Variants in HSD17B13 observed in about 807,000 individuals in gnomAD.
HSD17B13 encodes 17-beta-hydroxysteroid dehydrogenase 13.
In HSD17B13, 26 loss-of-function variants were observed where a neutral mutation model predicts 31.1. That is an observed-to-expected ratio of 0.84 (90% confidence interval 0.61 to 1.16). The LOEUF (loss-of-function observed/expected upper bound fraction) is 1.16. HSD17B13 is among the 50% of genes most tolerant of loss of function. The pLI, the probability that HSD17B13 is intolerant of heterozygous loss-of-function variation, is 0.00. For synonymous variants in HSD17B13, 141 were observed against 133.7 expected (o/e 1.05, Z -0.38); for missense variants, 374 against 366.5 (o/e 1.02, Z -0.17).
In HSD17B13 at chr4:87,304,799, C is replaced by CATTCTGTGTTCTTGTTGAT. The variant is rs1734349778; in HGVS notation, c.*400_*418dup. 2.0e-5 allele frequency: 3 copies of CATTCTGTGTTCTTGTTGAT among 153,018 alleles called. No individual in the cohort carries two copies. Among genetic ancestry groups the CATTCTGTGTTCTTGTTGAT allele is most frequent in the Non-Finnish European group, 4.4e-5 (3 of 68,638 alleles). The allele number at this position is 153,018 out of a possible 1,614,324, so 9.5% of individuals were successfully genotyped here. A position where few individuals can be genotyped will look rare whatever the true frequency, so the allele number is the denominator to read the frequency against. ...AAACTTGATCTCTTAGCTGTGCACTCATTCTGTGTTCTTGTTGATATTCTG... is the reference window on the plus strand; with the variant it reads ...AAACTTGATCTCTTAGCTGTGCACTCATTCTGTGTTCTTGTTGATATTCTGTGTTCTTGTTGATATTCTG... On this transcript the variant is annotated 3_prime_UTR_variant, in exon 7 of 7. Transcript: ENST00000328546.
intron 5 of HSD17B13, among the ~76,000 whole-genome samples, chr4:87,311,382 T>G (rs961553806): frequency 6.6e-6 from 1 of 152,218 alleles, no homozygotes; most frequent in Non-Finnish European, 1.5e-5. Flanking sequence ...AATTATTTCT[T>G]GCGAGAAATC....
intron 1 of HSD17B13, 118 bp from the exon 2 acceptor site, chr4:87,318,554 CT>C (rs2110103816): frequency 1.3e-6 from 1 of 760,320 alleles, no homozygotes; most frequent in African/African-American, 1.7e-5. Flanking sequence ...AATCCCAGCA[CT>C]TTGGTTGGCC....
In HSD17B13 at chr4:87,305,123, CA is replaced by C; in HGVS notation, c.*94del. ...GCCAAACCAATGTTTTTAATATTAT[CA>C]GGACTGAAAAAATGTGAAATAAAGC... On this transcript the variant is annotated 3_prime_UTR_variant, in exon 7 of 7. Coordinates refer to ENST00000328546, the MANE Select transcript of HSD17B13 (RefSeq NM_178135.5). 1.4e-6 allele frequency: 1 copy of C among 690,598 alleles called. No individual in the cohort carries two copies. Among genetic ancestry groups the C allele is most frequent in the Non-Finnish European group, 2.2e-6 (1 of 444,654 alleles). The allele number at this position is 690,598 out of a possible 1,614,324, so 42.8% of individuals were successfully genotyped here.
In HSD17B13 at chr4:87,322,876, C is replaced by T. The variant is rs2110106248; in HGVS notation, c.-35G>A. ...CTGTCCTCTTCCTTCTGGTTCAGTC[C>T]TTGTGTAGTCCTAGGGAGGAGGTAC... On this transcript the variant is annotated 5_prime_UTR_variant, in exon 1 of 7. Coordinates refer to ENST00000328546, the MANE Select transcript of HSD17B13 (RefSeq NM_178135.5). 1.9e-6 allele frequency: 3 copies of T among 1,565,258 alleles called. No homozygotes were observed. The highest frequency in any genetic ancestry group is 1.7e-5 in the Admixed American group (1 of 59,110).
intron 6 of HSD17B13, among the ~76,000 whole-genome samples, chr4:87,307,917 C>G (rs1481722923): frequency 6.6e-6 from 1 of 152,034 alleles, no homozygotes; most frequent in Non-Finnish European, 1.5e-5. Flanking sequence ...CAGTTTGTAC[C>G]CTGTTCTCAA....
chr4:87,305,820 T>G (rs111772009), intron 6 of HSD17B13, among the ~76,000 whole-genome samples: 61 of 152,324 alleles, frequency 4.0e-4, no homozygotes, highest in African/African-American at 1.3e-3. Context: ...AGCCCAATTA[T>G]GAATCTGCAT....
intron 1 of HSD17B13, among the ~76,000 whole-genome samples, chr4:87,320,512 G>A (rs933862042): frequency 2.8e-4 from 40 of 144,080 alleles, no homozygotes; most frequent in African/African-American, 9.1e-4. Context: ...TCAGCCTCCC[G>A]AGTAGCTGGG....
intron 5 of HSD17B13, 120 bp from the exon 6 acceptor site, chr4:87,310,479 TC>T: frequency 8.6e-7 from 1 of 1,158,162 alleles, no homozygotes; most frequent in Non-Finnish European, 1.1e-6. Flanking sequence ...TTTAAAATAT[TC>T]CAGGATTTGC....
intron 6 of HSD17B13, among the ~76,000 whole-genome samples, chr4:87,308,993 A>G (rs886611701): frequency 6.6e-6 from 1 of 151,912 alleles, no homozygotes; most frequent in Non-Finnish European, 1.5e-5. Flanking sequence ...CAAGACTGCA[A>G]AATATGAGAT....
At chr4:87,309,238 G>T (rs13143052) in intron 6 of HSD17B13, among the ~76,000 whole-genome samples, 1 of 151,814 alleles carries the variant, frequency 6.6e-6, no homozygotes, top group African/African-American at 2.4e-5. Context: ...CAAAAAGTTA[G>T]TTGGGCGAGG....
rs990417824 is a variant in HSD17B13 at position 87,310,485 on chromosome 4, A to T, written c.696-126T>A. 6.4e-5 allele frequency: 71 copies of T among 1,112,092 alleles called. 1 individual carries two copies. The African/African-American group carries it at 1.1e-3, about 17-fold the overall frequency. The allele number at this position is 1,112,092 out of a possible 1,614,324, so 68.9% of individuals were successfully genotyped here. On this transcript the variant is annotated intron_variant, in intron 5 of 6. Transcript: ENST00000328546. ...GAATGAAGATTTAAAATATTCCAGG[A>T]TTTGCTGCATTAATGCCACCCTACC...
chr4:87,309,384 CAAAAAAAAAAAAAA>C (rs369280214), intron 6 of HSD17B13, among the ~76,000 whole-genome samples: 601 of 50,140 alleles, frequency 0.012, 9 homozygotes, highest in African/African-American at 0.036. Context: ...AACTCTGTCT[CAAAAAAAAAAAAAA>C]AAAAAAAAAA....
chr4:87,322,789 T>C lies in HSD17B13; in HGVS notation c.53A>G (p.Tyr18Cys). 6.2e-7 allele frequency: 1 copy of C among 1,614,106 alleles called. No individual in the cohort carries two copies. The highest frequency in any genetic ancestry group is 8.5e-7 in the Non-Finnish European group (1 of 1,179,984). ...GAAAAACTTCACCAACGACTCCAAGTAGGAGTAGATGATGGTGATCAGAAG... is the reference window on the plus strand; with the variant it reads ...GAAAAACTTCACCAACGACTCCAAGCAGGAGTAGATGATGGTGATCAGAAG... ...LLLLITIIYS[Y>C]LESLVKFFIP... Residue 18 changes from tyrosine (Y) to cysteine (C), a missense_variant, in exon 1 of 7, where the codon TAC becomes TGC. Tyr to Cys is a radical substitution (Grantham distance 194). Coordinates refer to ENST00000328546, the MANE Select transcript of HSD17B13 (RefSeq NM_178135.5).
At chr4:87,317,254 G>A (rs376964857) in intron 2 of HSD17B13, 31 bp from the exon 3 acceptor site, 5 of 1,609,640 alleles carry the variant, frequency 3.1e-6, no homozygotes, top group Middle Eastern at 3.3e-4. Flanking sequence ...CTTTCACTGG[G>A]TGTATTATTC....
intron 6 of HSD17B13, among the ~76,000 whole-genome samples, chr4:87,305,951 A>G (rs1431415136): frequency 6.6e-6 from 1 of 152,180 alleles, no homozygotes; most frequent in Non-Finnish European, 1.5e-5. Flanking sequence ...GTAACCATGC[A>G]TTAAAACTCT....
At chr4:87,320,538 C>T (rs1734761602) in intron 1 of HSD17B13, among the ~76,000 whole-genome samples, 1 of 152,032 alleles carries the variant, frequency 6.6e-6, no homozygotes. Context: ...AGGCGCCCGC[C>T]ACTACGCCTG....
chr4:87,305,427 C>T (rs1427122205), intron 6 of HSD17B13, 119 bp from the exon 7 acceptor site: 9 of 506,736 alleles, frequency 1.8e-5, no homozygotes, highest in Admixed American at 8.1e-5. Context: ...TAACTTTCCT[C>T]CGTTCTTTTC....
rs369280214 is a variant in HSD17B13 at position 87,309,384 on chromosome 4, CAAAA to C, written c.812+855_812+858del. ...GGGCAACAAGGGTGAAACTCTGTCT[CAAAA>C]AAAAAAAAAAAAAAAAAAAAAAGAA... On this transcript the variant is annotated intron_variant, in intron 6 of 6. Transcript: ENST00000328546. 8.0e-5 allele frequency among the ~76,000 whole-genome samples: 4 copies of C among 50,096 alleles called. No individual in the cohort carries two copies. The East Asian group carries it at 4.1e-3, about 52-fold the overall frequency. 32.9% of individuals were successfully genotyped at this position (50,096 alleles called of 152,430 possible).
At chr4:87,311,268 C>G (rs1734524994) in intron 5 of HSD17B13, among the ~76,000 whole-genome samples, 2 of 152,256 alleles carry the variant, frequency 1.3e-5, no homozygotes, top group South Asian at 4.1e-4. Context: ...TCTAAATACC[C>G]TTGGTGGAGC....
Sources: allele counts gnomAD v4.1 joint callset (sites outside exome capture counted in the v4.1 genomes callset), GRCh38; gene constraint gnomAD v4.1.1; transcripts MANE v1.5; gene names NCBI Gene and HGNC (gene_info 2026-07-23, HGNC 2026-07-21).